The following SPECC1 variants were observed in gnomAD, a reference collection of about 807,000 sequenced individuals.
SPECC1 encodes the protein cytospin-B.
In SPECC1, 62 loss-of-function variants were observed where a neutral mutation model predicts 104.1. The observed-to-expected ratio is 0.60, with a 90% CI of 0.49 to 0.74. The LOEUF (loss-of-function observed/expected upper bound fraction) is 0.74. Ranked by LOEUF, SPECC1 falls within the 30% of genes least tolerant of loss-of-function variation. The pLI is 0.00. For missense variants in SPECC1, 1,306 were observed against 1,310.5 expected (o/e 1.00, Z 0.05); for synonymous variants, 513 against 501.6 (o/e 1.02, Z -0.30).
At chr17:20,150,280 G>T (rs1393502137) in intron 3 of SPECC1, among the ~76,000 whole-genome samples, 1 of 151,284 alleles carries the variant, frequency 6.6e-6, no homozygotes, top group Admixed American at 6.6e-5. Flanking sequence ...ACTGTGCCCG[G>T]CCTTTTTTCT....
intron 7 of SPECC1, among the ~76,000 whole-genome samples, chr17:20,240,643 C>G (rs2039161559): frequency 6.6e-6 from 1 of 152,128 alleles, no homozygotes; most frequent in African/African-American, 2.4e-5. Flanking sequence ...TTACCAGAGT[C>G]ATCCTTTGTC....
intron 1 of SPECC1, among the ~76,000 whole-genome samples, chr17:20,026,847 G>T (rs564097128): frequency 6.6e-6 from 1 of 152,112 alleles, no homozygotes; most frequent in East Asian, 1.9e-4. Flanking sequence ...TCAGTTTTTT[G>T]AAAAACCTCA....
chr17:20,110,311 T>C lies in SPECC1; in HGVS notation c.148-116T>C, dbSNP rs1178134037. On this transcript the variant is annotated intron_variant, in intron 2 of 14. Coordinates refer to ENST00000395527, the MANE Select transcript of SPECC1 (RefSeq NM_001243439.2). ...CACTCTATCATGCTACTCAAAGTGC[T>C]GTTATTGTATCTTGACTGCTGGGCA... 11 of 1,240,738 alleles carry C rather than the reference T, an allele frequency of 8.9e-6. No individual in the cohort carries two copies. The African/African-American group carries it at 1.5e-4, about 17-fold the overall frequency. The allele number at this position is 1,240,738 out of a possible 1,614,324, so 76.9% of individuals were successfully genotyped here.
chr17:20,075,105 GT>G (rs149658935), intron 1 of SPECC1, among the ~76,000 whole-genome samples: 15,058 of 152,194 alleles, frequency 0.099, 906 homozygotes, highest in African/African-American at 0.17. Context: ...ATTTCAGCAT[GT>G]TGTCCAGGCT....
At chr17:20,191,034 A>G (rs769438110) in intron 3 of SPECC1, among the ~76,000 whole-genome samples, 5 of 152,168 alleles carry the variant, frequency 3.3e-5, no homozygotes, top group Non-Finnish European at 7.3e-5. Flanking sequence ...TCTTTAACTT[A>G]GTAAATGCTT....
intron 3 of SPECC1, among the ~76,000 whole-genome samples, chr17:20,150,191 G>A (rs1480257568): frequency 6.6e-6 from 1 of 151,166 alleles, no homozygotes; most frequent in African/African-American, 2.4e-5. Flanking sequence ...CACCGTTTTA[G>A]TCCGGATGGT....
intron 7 of SPECC1, among the ~76,000 whole-genome samples, chr17:20,243,626 T>G (rs1025778607): frequency 1.3e-5 from 2 of 152,160 alleles, no homozygotes; most frequent in Non-Finnish European, 2.9e-5. Context: ...TCTTCTCAAA[T>G]TATACAGGGT....
chr17:20,219,440 A>G (rs1244157342), intron 4 of SPECC1, among the ~76,000 whole-genome samples: 2 of 152,140 alleles, frequency 1.3e-5, no homozygotes, highest in Non-Finnish European at 2.9e-5. Flanking sequence ...GACATTCAGT[A>G]TGTTTTCATG....
chr17:20,015,998 T>C (rs1597564374), intron 1 of SPECC1, among the ~76,000 whole-genome samples: 1 of 149,768 alleles, frequency 6.7e-6, no homozygotes, highest in African/African-American at 2.4e-5. Context: ...GATCACGAGG[T>C]CAGGAGATTG....
Position 20,204,307 on chromosome 17 carries a change from C to T in SPECC1, c.284-26C>T, listed in dbSNP as rs75343197. On this transcript the variant is annotated intron_variant, in intron 3 of 14. Coordinates refer to ENST00000395527, the MANE Select transcript of SPECC1 (RefSeq NM_001243439.2). ...TATAAGAATGCTTGCTTTATTTTTT[C>T]ATTTTTTTCTTCTTCTGTCTTTAAG... is the stretch of plus-strand genomic sequence containing the variant. 8.2e-6 allele frequency: 13 copies of T among 1,578,106 alleles called. No individual in the cohort carries two copies. The Admixed American group carries it at 1.1e-4, about 14-fold the overall frequency.
At chr17:20,162,301 G>A (rs1002573376) in intron 3 of SPECC1, among the ~76,000 whole-genome samples, 1 of 151,612 alleles carries the variant, frequency 6.6e-6, no homozygotes, top group African/African-American at 2.4e-5. Context: ...ACCTGCCACT[G>A]CGCCCGGCTA....
intron 1 of SPECC1, among the ~76,000 whole-genome samples, chr17:20,028,168 A>G (rs2044668154): frequency 6.6e-6 from 1 of 152,074 alleles, no homozygotes; most frequent in African/African-American, 2.4e-5. Context: ...TATTTGTTGA[A>G]AAGAATGGTC....
Position 20,281,048 on chromosome 17 carries a change from C to T in SPECC1, c.2941-15913C>T, listed in dbSNP as rs567876781. The stretch of plus-strand genomic sequence containing the variant: ...TTTGGTTTGTTCCTCTTTAGAGCAT[C>T]GGACATTCTCGTTTGCCAGGGGCTT... On this transcript the variant is annotated intron_variant, in intron 12 of 14. Transcript: ENST00000395527. Among the ~76,000 whole-genome samples the T allele has an allele frequency of 1.5e-3, 232 of 152,272 alleles. 1 individual carries two copies. The highest frequency in any genetic ancestry group is 2.4e-3 in the Non-Finnish European group (160 of 68,030).
chr17:20,129,477 C>A (rs983254852), intron 3 of SPECC1, among the ~76,000 whole-genome samples: 1 of 151,796 alleles, frequency 6.6e-6, no homozygotes, highest in Non-Finnish European at 1.5e-5. Context: ...TGTGAGCCAC[C>A]GCGCCCAGCC....
chr17:20,308,581 TTC>T (rs767188952), intron 14 of SPECC1, among the ~76,000 whole-genome samples: 1 of 152,132 alleles, frequency 6.6e-6, no homozygotes, highest in Non-Finnish European at 1.5e-5. Flanking sequence ...AATGTAAATA[TTC>T]CTATGAAACT....
intron 1 of SPECC1, among the ~76,000 whole-genome samples, chr17:20,033,023 G>A (rs1203632975): frequency 6.6e-6 from 1 of 150,712 alleles, no homozygotes; most frequent in African/African-American, 2.4e-5. Context: ...GGAGTTCAGT[G>A]GCGTGATCTC....
chr17:20,250,402 G>A (rs959849567), intron 9 of SPECC1, among the ~76,000 whole-genome samples: 9 of 152,124 alleles, frequency 5.9e-5, no homozygotes, highest in African/African-American at 2.2e-4. Context: ...AAAATTACCT[G>A]TATCAGGAAT....
chr17:20,245,514 T>C (rs1286782097), intron 7 of SPECC1, among the ~76,000 whole-genome samples: 3 of 152,054 alleles, frequency 2.0e-5, no homozygotes, highest in Admixed American at 1.3e-4. Context: ...CTTTCCAAAC[T>C]CTGTGTACTG....
rs1475212472 is a variant in SPECC1 at position 20,245,872 on chromosome 17, C to T, written c.2352-54C>T. 2.5e-6 allele frequency: 4 copies of T among 1,591,456 alleles called. No homozygotes were observed. In the African/African-American group the frequency reaches 5.4e-5, roughly 21 times the overall value. Reference sequence around the variant, plus strand: ...GTTCTGTTTTCCTCTGTGTCTTTTTCTCCCATGGGGATGTCCTCCATCTTT... The same window carrying T: ...GTTCTGTTTTCCTCTGTGTCTTTTTTTCCCATGGGGATGTCCTCCATCTTT... On this transcript the variant is annotated intron_variant, in intron 7 of 14. Coordinates refer to ENST00000395527, the MANE Select transcript of SPECC1 (RefSeq NM_001243439.2).
Sources: gnomAD v4.1 joint callset for allele counts (sites outside exome capture counted in the v4.1 genomes callset) on GRCh38, gnomAD v4.1.1 for gene constraint, MANE v1.5 for transcripts, NCBI Gene and HGNC (gene_info 2026-07-23, HGNC 2026-07-21) for gene names.